Variants in CEP85L observed in about 807,000 individuals in gnomAD.
CEP85L encodes centrosomal protein of 85 kDa-like.
A neutral mutation model predicts 100.3 loss-of-function variants in CEP85L; 60 were observed. The ratio of observed to expected loss-of-function variants is 0.60; its 90% CI spans 0.49 to 0.74. CEP85L has a LOEUF of 0.74. Ranked by LOEUF, CEP85L falls within the 30% of genes least tolerant of loss-of-function variation. The pLI, the probability that CEP85L is intolerant of heterozygous loss-of-function variation, is 0.00. For missense variants in CEP85L, 973 were observed against 936.2 expected, an observed-to-expected ratio of 1.04 and a Z score of -0.51; for synonymous variants, 319 against 322.7, an observed-to-expected ratio of 0.99 and a Z score of 0.12.
At chr6:118,484,045 C>T (rs1215352154) in intron 6 of CEP85L, among the ~76,000 whole-genome samples, 187 bp from the exon 7 acceptor site, 1 of 152,166 alleles carries the variant, frequency 6.6e-6, no homozygotes, top group Non-Finnish European at 1.5e-5. Flanking sequence ...TGTGGTGGCT[C>T]ATGCCTGTAA....
At chr6:118,596,385 TG>T (rs1451446870) in intron 2 of CEP85L, among the ~76,000 whole-genome samples, 2 of 152,142 alleles carry the variant, frequency 1.3e-5, no homozygotes, top group African/African-American at 4.8e-5. Context: ...AGATAAGCCA[TG>T]AGGCAAACCC....
At position 118,481,870 on chromosome 6, in the gene CEP85L, G is replaced by C. The variant is rs753195345; in HGVS notation, c.1654C>G (p.Leu552Val). 3 of 1,587,846 alleles carry C rather than the reference G, an allele frequency of 1.9e-6. No individual in the cohort carries two copies. Among genetic ancestry groups the C allele is most frequent in the Non-Finnish European group, 2.6e-6 (3 of 1,164,370 alleles). ...TGACACTGCTTTTTGATCTCTTCAA[G>C]TTTTTTTTCTGTATCTATCAAAGCC... ...QEALIDTEKK[L>V]EEIKKQCQDK... Residue 552 changes from leucine (L) to valine (V), a missense_variant, in exon 8 of 13, where the codon CTT (leucine) becomes GTT (valine). By Grantham distance (32) the Leu-to-Val change is conservative. Around this residue, in one of 3 missense-constraint regions of CEP85L, gnomAD observed 890 missense variants for 844.5 expected, o/e 1.05. Coordinates refer to ENST00000368491, the MANE Select transcript of CEP85L (RefSeq NM_001042475.3).
upstream of CEP85L, chr6:118,651,731 C>G (rs1226044559): frequency 4.1e-6 from 4 of 986,450 alleles, no homozygotes; most frequent in African/African-American, 3.5e-5. Context: ...GGGTGAGCTA[C>G]CCCGACCCCG....
chr6:118,613,528 G>A (rs923967826), intron 2 of CEP85L, among the ~76,000 whole-genome samples: 6 of 152,002 alleles, frequency 3.9e-5, no homozygotes, highest in African/African-American at 7.3e-5. Flanking sequence ...GGGCCAAGGC[G>A]GGTGGATCAC....
chr6:118,488,103 C>T (rs1774310019), intron 6 of CEP85L, among the ~76,000 whole-genome samples: 1 of 152,064 alleles, frequency 6.6e-6, no homozygotes, highest in Admixed American at 6.6e-5. Context: ...AGGCTAGTCT[C>T]TGAGGAGTGG....
intron 2 of CEP85L, among the ~76,000 whole-genome samples, chr6:118,596,938 C>T (rs1381516639): frequency 1.3e-5 from 2 of 152,164 alleles, no homozygotes; most frequent in African/African-American, 2.4e-5. Context: ...CCATAATCCC[C>T]ACATGTCGTG....
intron 3 of CEP85L, among the ~76,000 whole-genome samples, chr6:118,555,156 G>A (rs1583036747): frequency 6.6e-6 from 1 of 152,138 alleles, no homozygotes; most frequent in Non-Finnish European, 1.5e-5. Flanking sequence ...ACTCGGCCAG[G>A]TGCAGTGGCT....
intron 3 of CEP85L, among the ~76,000 whole-genome samples, chr6:118,550,209 A>G (rs151238618): frequency 1.2e-3 from 187 of 152,026 alleles, no homozygotes; most frequent in African/African-American, 4.4e-3. Context: ...TTTTATTTGT[A>G]TTTTAGTAGG....
intron 1 of CEP85L, among the ~76,000 whole-genome samples, chr6:118,700,414 T>C (rs1286835110): frequency 1.3e-5 from 2 of 152,258 alleles, no homozygotes; most frequent in Non-Finnish European, 2.9e-5. Flanking sequence ...AACTTGCAGC[T>C]GCTTAAGCCA....
chr6:118,515,819 A>G (rs1483883700), intron 4 of CEP85L, among the ~76,000 whole-genome samples: 2 of 152,192 alleles, frequency 1.3e-5, no homozygotes, highest in East Asian at 3.8e-4. Flanking sequence ...GGTTTGCTAC[A>G]TAGGTATACA....
chr6:118,517,800 C>T (rs1776370064), intron 4 of CEP85L, among the ~76,000 whole-genome samples: 1 of 152,166 alleles, frequency 6.6e-6, no homozygotes, highest in South Asian at 2.1e-4. Context: ...GAGAGGGCAT[C>T]CTTGTCTTGT....
intron 5 of CEP85L, among the ~76,000 whole-genome samples, chr6:118,492,693 A>G (rs1774654098): frequency 6.6e-6 from 1 of 152,200 alleles, no homozygotes; most frequent in Non-Finnish European, 1.5e-5. Flanking sequence ...AGATATTTAC[A>G]AAGCACATAC....
chr6:118,524,886 C>T (rs1414747665), intron 3 of CEP85L, among the ~76,000 whole-genome samples: 1 of 152,194 alleles, frequency 6.6e-6, no homozygotes, highest in Non-Finnish European at 1.5e-5. Context: ...TGGGTGGAGC[C>T]ATGGGGAATT....
intron 1 of CEP85L, among the ~76,000 whole-genome samples, chr6:118,703,660 G>C (rs1777501251): frequency 6.6e-6 from 1 of 152,196 alleles, no homozygotes; most frequent in African/African-American, 2.4e-5. Context: ...GCAGGGACTG[G>C]GAAAATGCTA....
At chr6:118,547,424 C>T (rs988614141) in intron 3 of CEP85L, among the ~76,000 whole-genome samples, 11 of 152,196 alleles carry the variant, frequency 7.2e-5, no homozygotes, top group African/African-American at 2.6e-4. Flanking sequence ...AATTTCAACA[C>T]ATCAAACCTA....
rs375928622 is a variant in CEP85L at position 118,537,569 on chromosome 6, T to C, written c.1021-13649A>G. On this transcript the variant is annotated intron_variant, in intron 3 of 12. Transcript: ENST00000368491. ...TTCCACTCTCAAAATTGAGTAAGGA[T>C]AGCAGGCATCTACAACAATCCCAAA... The C allele has an allele frequency of 2.7e-5, 27 of 985,286 alleles. No homozygotes were observed. The African/African-American group carries it at 4.4e-4, about 16-fold the overall frequency. The allele number at this position is 985,286 out of a possible 1,614,324, so 61.0% of individuals were successfully genotyped here.
In CEP85L at chr6:118,465,506, G is replaced by C. The variant is rs1021529667; in HGVS notation, c.2317C>G (p.Leu773Val). The change falls in exon 13 of 13, where the codon CTG (leucine) becomes GTG (valine). Residue 773 changes from leucine (L) to valine (V), a missense_variant. This residue lies in a region of CEP85L where 890 missense variants were observed against 844.5 expected (regional missense o/e 1.05). Transcript: ENST00000368491. Reference sequence around the variant, plus strand: ...CTTCGTAACTGGCACACATCTGACAGCTTTTTAGTGAGTGTTTCTGTGCTG... The same window carrying C: ...CTTCGTAACTGGCACACATCTGACACCTTTTTAGTGAGTGTTTCTGTGCTG... The part of the protein sequence containing the change: ...DHSTETLTKK[L>V]SDVCQLRRDI... The C allele has an allele frequency of 6.2e-7, 1 of 1,613,504 alleles. No homozygotes were observed. Among genetic ancestry groups the C allele is most frequent in the Non-Finnish European group, 8.5e-7 (1 of 1,179,656 alleles).
At chr6:118,655,806 A>G (rs1775767961), upstream of CEP85L, among the ~76,000 whole-genome samples, 2 of 152,200 alleles carry the variant, frequency 1.3e-5, no homozygotes, top group Admixed American at 1.3e-4. Flanking sequence ...ATATACTTCC[A>G]ATGATTTGAG....
At chr6:118,585,528 C>A (rs975671798) in intron 2 of CEP85L, among the ~76,000 whole-genome samples, 2 of 152,142 alleles carry the variant, frequency 1.3e-5, no homozygotes, top group African/African-American at 2.4e-5. Context: ...AGAAATTAAA[C>A]CTCAGTACTC....
Sources: gnomAD v4.1 joint callset for allele counts (sites outside exome capture counted in the v4.1 genomes callset) on GRCh38, gnomAD v4.1.1 for gene constraint, gnomAD v4.1.1 regional missense constraint, MANE v1.5 for transcripts, NCBI Gene and HGNC (gene_info 2026-07-23, HGNC 2026-07-21) for gene names.